Variants in CDH12 observed in about 807,000 individuals in gnomAD.
CDH12 encodes cadherin-12.
CDH12 carries 41 observed loss-of-function variants against 74.1 expected under a neutral mutation model. The ratio of observed to expected loss-of-function variants is 0.55; its 90% CI spans 0.43 to 0.72. The LOEUF (loss-of-function observed/expected upper bound fraction) is 0.72, where lower values mean the gene tolerates loss of function less well. Among genes scored for constraint, CDH12 ranks in the 30% least tolerant of loss-of-function variants. CDH12 has a pLI of 0.00. For synonymous variants in CDH12, 399 were observed against 355.0 expected (o/e 1.12, Z -1.39); for missense variants, 945 against 977.2 (o/e 0.97, Z 0.44).
chr5:22,580,625 A>G, intron 1 of CDH12: 1 of 477,580 alleles, frequency 2.1e-6, no homozygotes, highest in Admixed American at 2.2e-5. Context: ...TACCCCACAT[A>G]CTCCCTACTG....
intron 3 of CDH12, among the ~76,000 whole-genome samples, chr5:22,328,770 T>A (rs544663615): frequency 1.5e-4 from 23 of 152,202 alleles, no homozygotes; most frequent in Admixed American, 9.2e-4. Flanking sequence ...TAGGTTGTGG[T>A]GAGGGAAACA....
At chr5:22,179,877 A>T (rs1364493145) in intron 4 of CDH12, among the ~76,000 whole-genome samples, 1 of 152,184 alleles carries the variant, frequency 6.6e-6, no homozygotes, top group Non-Finnish European at 1.5e-5. Flanking sequence ...AATAAGAAAC[A>T]TTAATTCACC....
At chr5:22,031,813 C>A (rs979569798) in intron 5 of CDH12, among the ~76,000 whole-genome samples, 3 of 151,938 alleles carry the variant, frequency 2.0e-5, no homozygotes, top group African/African-American at 7.3e-5. Flanking sequence ...GTTTATGGAG[C>A]CCCAAAACAA....
intron 1 of CDH12, among the ~76,000 whole-genome samples, chr5:22,829,634 A>G (rs1249758047): frequency 2.0e-5 from 3 of 152,172 alleles, no homozygotes; most frequent in Admixed American, 6.5e-5. Flanking sequence ...AGACATGTGA[A>G]ATGCTCATAT....
chr5:22,096,180 C>T (rs1743769379), intron 4 of CDH12, among the ~76,000 whole-genome samples: 1 of 152,074 alleles, frequency 6.6e-6, no homozygotes, highest in Non-Finnish European at 1.5e-5. Context: ...ACCTAAATGC[C>T]TTATTTTCTT....
intron 2 of CDH12, among the ~76,000 whole-genome samples, chr5:22,499,504 G>A (rs1278964555): frequency 6.6e-6 from 1 of 152,024 alleles, no homozygotes; most frequent in Non-Finnish European, 1.5e-5. Flanking sequence ...GAAAAACGAA[G>A]TGCAATGCTA....
intron 2 of CDH12, among the ~76,000 whole-genome samples, chr5:22,417,965 C>A (rs1482799461): frequency 6.6e-6 from 1 of 152,054 alleles, no homozygotes; most frequent in Non-Finnish European, 1.5e-5. Flanking sequence ...TATTTGTGTA[C>A]CCTTTTTAAA....
At chr5:22,363,891 T>A (rs1740923985) in intron 3 of CDH12, among the ~76,000 whole-genome samples, 1 of 152,190 alleles carries the variant, frequency 6.6e-6, no homozygotes, top group African/African-American at 2.4e-5. Flanking sequence ...GGAACAGATT[T>A]CTTAGTAACG....
At chr5:22,700,814 T>C (rs983142122) in intron 1 of CDH12, among the ~76,000 whole-genome samples, 4 of 152,246 alleles carry the variant, frequency 2.6e-5, no homozygotes, top group Non-Finnish European at 5.9e-5. Flanking sequence ...GTAAATGAGA[T>C]ATAAAGTAGT....
chr5:21,880,467 T>TTTCC lies in CDH12; in HGVS notation c.527-25681_527-25678dup, dbSNP rs1207307885. On this transcript the variant is annotated intron_variant, in intron 6 of 14. Transcript: ENST00000382254. ...CCTTCTTTCCTTCCTTCCTTCCTTC[T>TTTCC]TTCCTTCCTTCCTTCCTTCCTTCCT... Among the ~76,000 whole-genome samples the TTTCC allele has an allele frequency of 7.8e-3, 659 of 84,874 alleles. 44 individuals are homozygous for TTTCC. Among genetic ancestry groups the TTTCC allele is most frequent in the African/African-American group, 0.028 (620 of 21,900 alleles). 55.7% of individuals were successfully genotyped at this position (84,874 alleles called of 152,430 possible).
chr5:22,257,028 T>C (rs897431174), intron 3 of CDH12, among the ~76,000 whole-genome samples: 4 of 152,166 alleles, frequency 2.6e-5, no homozygotes, highest in Admixed American at 6.6e-5. Flanking sequence ...TGTAGGGACA[T>C]GGTTGGAACT....
chr5:22,731,424 C>T (rs1744426663), intron 1 of CDH12, among the ~76,000 whole-genome samples: 1 of 151,776 alleles, frequency 6.6e-6, no homozygotes, highest in South Asian at 2.1e-4. Flanking sequence ...TATTAAATTA[C>T]CTACTTTTCA....
chr5:22,138,133 A>C (rs542574751), intron 4 of CDH12, among the ~76,000 whole-genome samples: 1 of 152,148 alleles, frequency 6.6e-6, no homozygotes, highest in East Asian at 1.9e-4. Flanking sequence ...TTGTTATTTA[A>C]ATTCAAGTTA....
At chr5:22,623,934 A>C (rs138054037) in intron 1 of CDH12, among the ~76,000 whole-genome samples, 7,534 of 152,214 alleles carry the variant, frequency 0.049, 274 homozygotes, top group Non-Finnish European at 0.076. Flanking sequence ...GCTACAGTAA[A>C]CAAAACAGCA....
intron 1 of CDH12, among the ~76,000 whole-genome samples, chr5:22,667,027 C>G (rs1277040184): frequency 2.6e-5 from 4 of 152,206 alleles, no homozygotes; most frequent in East Asian, 1.9e-4. Flanking sequence ...TGCCCCTCCT[C>G]TATTCCTATA....
chr5:21,993,919 G>A (rs959418034), intron 5 of CDH12, among the ~76,000 whole-genome samples: 3 of 152,026 alleles, frequency 2.0e-5, no homozygotes, highest in Non-Finnish European at 2.9e-5. Context: ...CATGCCTTAA[G>A]AGTAAAGAGA....
intron 3 of CDH12, among the ~76,000 whole-genome samples, chr5:22,310,024 T>C (rs937231513): frequency 6.7e-6 from 1 of 149,096 alleles, no homozygotes; most frequent in African/African-American, 2.5e-5. Context: ...GCGGGAGGGA[T>C]AGAATTAGGA....
intron 7 of CDH12, among the ~76,000 whole-genome samples, chr5:21,845,438 C>T (rs982207978): frequency 2.0e-5 from 3 of 152,096 alleles, no homozygotes; most frequent in African/African-American, 7.2e-5. Flanking sequence ...GCTATTCCAA[C>T]CATTCCATGT....
At chr5:21,824,470 C>T (rs1748549219) in intron 8 of CDH12, among the ~76,000 whole-genome samples, 1 of 152,130 alleles carries the variant, frequency 6.6e-6, no homozygotes, top group Non-Finnish European at 1.5e-5. Flanking sequence ...CAAGGAGAAT[C>T]TCTTTGGCAG....
Sources: gnomAD v4.1 joint callset for allele counts (sites outside exome capture counted in the v4.1 genomes callset) on GRCh38, gnomAD v4.1.1 for gene constraint, MANE v1.5 for transcripts, NCBI Gene and HGNC (gene_info 2026-07-23, HGNC 2026-07-21) for gene names.